The following PLEKHA8 variants were observed in gnomAD, a reference collection of about 807,000 sequenced individuals.
PLEKHA8 encodes pleckstrin homology domain-containing family A member 8.
In PLEKHA8, 36 loss-of-function variants were observed where a neutral mutation model predicts 68.2. The ratio of observed to expected loss-of-function variants is 0.53; its 90% CI spans 0.40 to 0.70. The LOEUF is 0.70. Among genes scored for constraint, PLEKHA8 ranks in the 30% least tolerant of loss-of-function variants. The pLI is 0.00. For missense variants in PLEKHA8, 505 were observed against 615.4 expected, an observed-to-expected ratio of 0.82 and a Z score of 1.90; for synonymous variants, 211 against 216.1, an observed-to-expected ratio of 0.98 and a Z score of 0.20.
exon 13 of PLEKHA8, chr7:30,090,203 T>C (rs1795359079): frequency 1.3e-6 from 2 of 1,548,318 alleles, no homozygotes; most frequent in African/African-American, 1.4e-5. Context: ...ATGAAGATCC[T>C]GAACTTCAAG....
intron 12 of PLEKHA8, among the ~76,000 whole-genome samples, chr7:30,065,367 A>G (rs1583418568): frequency 6.6e-6 from 1 of 152,080 alleles, no homozygotes; most frequent in African/African-American, 2.4e-5. Flanking sequence ...GTATGAGGAG[A>G]TAAAGTTCCC....
At chr7:30,091,805 T>C, downstream of PLEKHA8, among the ~76,000 whole-genome samples, 1 of 152,270 alleles carries the variant, frequency 6.6e-6, no homozygotes, top group East Asian at 1.9e-4. Context: ...TTTGTGCTTC[T>C]GTGAGTTTGG....
At chr7:30,113,427 T>C (rs1236191499) in intron 13 of PLEKHA8, among the ~76,000 whole-genome samples, 1 of 152,254 alleles carries the variant, frequency 6.6e-6, no homozygotes, top group African/African-American at 2.4e-5. Flanking sequence ...TATTGAGTAC[T>C]GTGCTGTCAA....
chr7:30,044,357 A>G (rs1791784257), intron 1 of PLEKHA8, among the ~76,000 whole-genome samples: 1 of 152,188 alleles, frequency 6.6e-6, no homozygotes, highest in Non-Finnish European at 1.5e-5. Context: ...AGAGACAGAA[A>G]TACAGCAAAT....
chr7:30,103,984 AGAC>A (rs78353591), intron 13 of PLEKHA8, among the ~76,000 whole-genome samples: 21,326 of 152,184 alleles, frequency 0.14, 1,499 homozygotes, highest in Middle Eastern at 0.18. Context: ...GCTTGTATCC[AGAC>A]TCCTACAACT....
Position 30,079,776 on chromosome 7 carries a change from A to G in PLEKHA8, c.*989A>G, listed in dbSNP as rs1794830752. ...AGAACCAGAGTCTAGGTGGTGGGAC[A>G]TAGGAATCTGCATTTCAGTAAACTT... On this transcript the variant is annotated 3_prime_UTR_variant, in exon 14 of 14. Coordinates refer to ENST00000449726, the MANE Select transcript of PLEKHA8 (RefSeq NM_001197026.2). The G allele has an allele frequency of 1.3e-6, 1 of 775,248 alleles. No individual in the cohort carries two copies. Among genetic ancestry groups the G allele is most frequent in the Non-Finnish European group, 1.6e-6 (1 of 638,486 alleles). The allele number at this position is 775,248 out of a possible 1,614,324, so 48.0% of individuals were successfully genotyped here.
In PLEKHA8 at chr7:30,047,764, C is replaced by T. The variant is rs144574963; in HGVS notation, c.314-68C>T. 1.4e-4 allele frequency: 200 copies of T among 1,464,602 alleles called. No homozygotes were observed. The African/African-American group carries it at 2.3e-3, about 17-fold the overall frequency. The allele number at this position is 1,464,602 out of a possible 1,614,324, so 90.7% of individuals were successfully genotyped here. Reference sequence around the variant, plus strand: ...CTAACTAGTAAGGATTCCTCTTCTGCATAGTATCCTAACTAGTAAATCAGT... The same window carrying T: ...CTAACTAGTAAGGATTCCTCTTCTGTATAGTATCCTAACTAGTAAATCAGT... On this transcript the variant is annotated intron_variant, in intron 3 of 13. Coordinates refer to ENST00000449726, the MANE Select transcript of PLEKHA8 (RefSeq NM_001197026.2).
chr7:30,068,984 C>T (rs1008337415), intron 12 of PLEKHA8, among the ~76,000 whole-genome samples: 1 of 151,872 alleles, frequency 6.6e-6, no homozygotes, highest in African/African-American at 2.4e-5. Context: ...CCATTCTTTT[C>T]CCCACTTGTA....
At chr7:30,047,772 C>T in intron 3 of PLEKHA8, 60 bp from the exon 4 acceptor site, 1 of 1,516,270 alleles carries the variant, frequency 6.6e-7, no homozygotes, top group Non-Finnish European at 8.9e-7. Context: ...TGCATAGTAT[C>T]CTAACTAGTA....
chr7:30,080,731 C>G lies in PLEKHA8; in HGVS notation c.*1944C>G, dbSNP rs1794887956. 1.0e-6 allele frequency: 1 copy of G among 985,094 alleles called. No individual in the cohort carries two copies. Among genetic ancestry groups the G allele is most frequent in the African/African-American group, 1.7e-5 (1 of 57,166 alleles). 61.0% of individuals were successfully genotyped at this position (985,094 alleles called of 1,614,324 possible). A position where few individuals can be genotyped will look rare whatever the true frequency, so the allele number is the denominator to read the frequency against. ...TTGCCAAGGTGTGTGTGTGTTATTTCCCTCCCACTCTCATGAGCAGTGAGT... is the reference window on the plus strand; with the variant it reads ...TTGCCAAGGTGTGTGTGTGTTATTTGCCTCCCACTCTCATGAGCAGTGAGT... On this transcript the variant is annotated 3_prime_UTR_variant, in exon 14 of 14. Transcript: ENST00000449726.
chr7:30,094,718 TC>T (rs1413272808), downstream of PLEKHA8, among the ~76,000 whole-genome samples: 2 of 125,438 alleles, frequency 1.6e-5, no homozygotes, highest in Non-Finnish European at 3.2e-5. Flanking sequence ...ATGTTCCCCT[TC>T]CTGTGTCCAT....
intron 13 of PLEKHA8, among the ~76,000 whole-genome samples, chr7:30,101,126 A>G (rs963948528): frequency 2.6e-5 from 4 of 151,516 alleles, no homozygotes; most frequent in Non-Finnish European, 5.9e-5. Context: ...GGAGGCAGAG[A>G]TTGCAGTGAG....
At chr7:30,094,275 C>CTT (rs764501216), downstream of PLEKHA8, among the ~76,000 whole-genome samples, 9 of 138,256 alleles carry the variant, frequency 6.5e-5, no homozygotes, top group Admixed American at 1.5e-4. Context: ...CAAGTTTCTA[C>CTT]TTTTTTTTTT....
chr7:30,056,232 C>T (rs1009774112), intron 9 of PLEKHA8, among the ~76,000 whole-genome samples: 1 of 148,076 alleles, frequency 6.8e-6, no homozygotes, highest in Non-Finnish European at 1.5e-5. Context: ...TGTGAGCCAC[C>T]ACGCCCGGCC....
chr7:30,130,391 A>G (rs73689403), downstream of PLEKHA8: 2 of 152,206 alleles, frequency 1.3e-5, no homozygotes, highest in South Asian at 4.1e-4. Context: ...GGAAAATGAG[A>G]AACTGTTCCA....
Position 30,081,131 on chromosome 7 carries a change from G to T in PLEKHA8, c.*2344G>T. 1.0e-6 allele frequency: 1 copy of T among 985,340 alleles called. No individual in the cohort carries two copies. The highest frequency in any genetic ancestry group is 1.7e-5 in the African/African-American group (1 of 57,344). 61.0% of individuals were successfully genotyped at this position (985,340 alleles called of 1,614,324 possible). A position where few individuals can be genotyped will look rare whatever the true frequency, so the allele number is the denominator to read the frequency against. On this transcript the variant is annotated 3_prime_UTR_variant, in exon 14 of 14. Transcript: ENST00000449726. ...TGACTAGATGTACACAACTTAATTT[G>T]CTGGGAATGAGGGGCTTAATATTAT...
chr7:30,037,338 A>G (rs185344177), intron 1 of PLEKHA8, among the ~76,000 whole-genome samples: 9 of 152,006 alleles, frequency 5.9e-5, no homozygotes, highest in South Asian at 2.1e-4. Flanking sequence ...GTTTTTATTT[A>G]AAAAAATTTG....
intron 13 of PLEKHA8, among the ~76,000 whole-genome samples, chr7:30,098,073 G>T (rs376046055): frequency 6.6e-6 from 1 of 152,206 alleles, no homozygotes; most frequent in Non-Finnish European, 1.5e-5. Flanking sequence ...AGGTCTGTTG[G>T]AGTTTGCTGG....
At position 30,079,451 on chromosome 7, in the gene PLEKHA8, G is replaced by A. The variant is rs1004995876; in HGVS notation, c.*664G>A. 1.0e-6 allele frequency: 1 copy of A among 985,300 alleles called. No individual in the cohort carries two copies. The highest frequency in any genetic ancestry group is 1.7e-5 in the African/African-American group (1 of 57,206). 61.0% of individuals were successfully genotyped at this position (985,300 alleles called of 1,614,324 possible). A position where few individuals can be genotyped will look rare whatever the true frequency, so the allele number is the denominator to read the frequency against. On this transcript the variant is annotated 3_prime_UTR_variant, in exon 14 of 14. Transcript: ENST00000449726. ...AATGGTGTGCCCTAGCCCCAAGTTG[G>A]AGGGGAGAATATGAGAGAGGTGGGA... is the stretch of plus-strand genomic sequence containing the variant.
Sources: allele counts gnomAD v4.1 joint callset (sites outside exome capture counted in the v4.1 genomes callset), GRCh38; gene constraint gnomAD v4.1.1; transcripts MANE v1.5; gene names NCBI Gene and HGNC (gene_info 2026-07-23, HGNC 2026-07-21).